Variants in PRKAR2A observed in about 807,000 individuals in gnomAD.
The protein encoded by PRKAR2A is cAMP-dependent protein kinase type II-alpha regulatory subunit.
A neutral mutation model predicts 51.9 loss-of-function variants in PRKAR2A; 29 were observed. The observed-to-expected ratio is 0.56, with a 90% CI of 0.42 to 0.76. PRKAR2A has a LOEUF of 0.76. Ranked by LOEUF, PRKAR2A falls within the 30% of genes least tolerant of loss-of-function variation. The pLI is 0.00. For missense variants in PRKAR2A, 445 were observed against 512.1 expected (o/e 0.87, Z 1.26); for synonymous variants, 178 against 186.2 (o/e 0.96, Z 0.36).
chr3:48,846,469 G>A (rs1248630966), intron 1 of PRKAR2A, among the ~76,000 whole-genome samples: 11 of 151,388 alleles, frequency 7.3e-5, no homozygotes, highest in Non-Finnish European at 1.0e-4. Flanking sequence ...CACCCGCCTC[G>A]GCCTCCCAAA....
chr3:48,780,367 G>A (rs957974660), intron 5 of PRKAR2A, among the ~76,000 whole-genome samples: 5 of 151,996 alleles, frequency 3.3e-5, no homozygotes, highest in African/African-American at 7.2e-5. Flanking sequence ...ACTTTGGGAG[G>A]CTGAGGCGGG....
Position 48,798,663 on chromosome 3 carries a change from ATTTTTTT to A in PRKAR2A, c.299-4621_299-4615del, listed in dbSNP as rs35860456. ...TTTGTGCATGAAATCTTCCTTTTTA[ATTTTTTT>A]TTTTTTTTTTGAGAGTCTCACACTC... On this transcript the variant is annotated intron_variant, in intron 2 of 10. Coordinates refer to ENST00000265563, the MANE Select transcript of PRKAR2A (RefSeq NM_004157.4). Among the ~76,000 whole-genome samples, 3 of 138,780 alleles carry A rather than the reference ATTTTTTT, an allele frequency of 2.2e-5. No individual in the cohort carries two copies. The South Asian group carries it at 6.9e-4, about 32-fold the overall frequency. 91.0% of individuals were successfully genotyped at this position (138,780 alleles called of 152,430 possible).
intron 5 of PRKAR2A, among the ~76,000 whole-genome samples, chr3:48,773,346 T>C (rs1345276363): frequency 1.4e-5 from 2 of 140,030 alleles, no homozygotes; most frequent in African/African-American, 5.3e-5. Flanking sequence ...TTTCTTTTTT[T>C]TTTTTTTTTT....
At chr3:48,820,440 A>C (rs1410731779) in intron 1 of PRKAR2A, among the ~76,000 whole-genome samples, 1 of 152,152 alleles carries the variant, frequency 6.6e-6, no homozygotes, top group Non-Finnish European at 1.5e-5. Context: ...TACTGTCCTA[A>C]AACAGAGAAC....
chr3:48,784,752 A>G (rs2082259948), intron 4 of PRKAR2A, among the ~76,000 whole-genome samples: 1 of 152,216 alleles, frequency 6.6e-6, no homozygotes, highest in Admixed American at 6.6e-5. Context: ...AGGTTCTTGA[A>G]AACTGTGACT....
At chr3:48,826,239 C>T (rs2083061607) in intron 1 of PRKAR2A, among the ~76,000 whole-genome samples, 1 of 152,204 alleles carries the variant, frequency 6.6e-6, no homozygotes, top group Non-Finnish European at 1.5e-5. Context: ...GCATTCCAGC[C>T]TGGGTGACAG....
chr3:48,790,486 A>T, intron 4 of PRKAR2A, 58 bp downstream of exon 4: 1 of 1,287,402 alleles, frequency 7.8e-7, no homozygotes, highest in Non-Finnish European at 1.1e-6. Flanking sequence ...TTTAAGTGAC[A>T]AATAGGAGCA....
chr3:48,782,828 TAG>T (rs1379951166), intron 5 of PRKAR2A, among the ~76,000 whole-genome samples, 156 bp downstream of exon 5: 1 of 152,208 alleles, frequency 6.6e-6, no homozygotes, highest in Non-Finnish European at 1.5e-5. Context: ...ACAGCACTGG[TAG>T]AGAGGGACAA....
At chr3:48,825,588 G>A (rs1174064367) in intron 1 of PRKAR2A, among the ~76,000 whole-genome samples, 2 of 152,098 alleles carry the variant, frequency 1.3e-5, no homozygotes, top group African/African-American at 2.4e-5. Flanking sequence ...AGGTTGCAGT[G>A]AGCCAAGACT....
At chr3:48,811,392 T>C (rs1192536186) in intron 1 of PRKAR2A, among the ~76,000 whole-genome samples, 2 of 152,134 alleles carry the variant, frequency 1.3e-5, no homozygotes, top group Non-Finnish European at 2.9e-5. Context: ...GGAGGATGGC[T>C]TGAGCCTGGG....
At chr3:48,802,957 A>C (rs1265345411) in intron 2 of PRKAR2A, among the ~76,000 whole-genome samples, 1 of 152,236 alleles carries the variant, frequency 6.6e-6, no homozygotes, top group African/African-American at 2.4e-5. Context: ...CCGTAAACTC[A>C]CAGGCAAGTG....
Position 48,847,456 on chromosome 3 carries a change from G to C in PRKAR2A, c.141C>G (p.Ala47=), listed in dbSNP as rs1358185265. Residue 47 remains alanine, a synonymous_variant, in exon 1 of 11, where the codon GCC becomes GCG. Coordinates refer to ENST00000265563, the MANE Select transcript of PRKAR2A (RefSeq NM_004157.4). The surrounding 1 kb of genome is among the most constrained non-coding windows in gnomAD (Gnocchi z 4.4). ...GTGGGGTGGCGGCGGGCAGGACTGAGGCTGGGGCGCGGGCCTCGCGCAGGC... is the reference window on the plus strand; with the variant it reads ...GTGGGGTGGCGGCGGGCAGGACTGACGCTGGGGCGCGGGCCTCGCGCAGGC... ...FTRLREARAP[A]SVLPAATPRQ... 1 of 1,573,726 alleles carries C rather than the reference G, an allele frequency of 6.4e-7. No individual in the cohort carries two copies. The highest frequency in any genetic ancestry group is 8.6e-7 in the Non-Finnish European group (1 of 1,159,662).
At chr3:48,818,834 G>A (rs1203904768) in intron 1 of PRKAR2A, among the ~76,000 whole-genome samples, 1 of 152,076 alleles carries the variant, frequency 6.6e-6, no homozygotes, top group Non-Finnish European at 1.5e-5. Flanking sequence ...ATGACCCGAG[G>A]GCAGACTTAA....
intron 1 of PRKAR2A, among the ~76,000 whole-genome samples, chr3:48,837,860 C>T (rs2083308483): frequency 6.6e-6 from 1 of 150,758 alleles, no homozygotes; most frequent in African/African-American, 2.4e-5. Context: ...ACCTTGAGTA[C>T]ATTATGCTAA....
intron 4 of PRKAR2A, among the ~76,000 whole-genome samples, chr3:48,787,464 G>A (rs1229196251): frequency 1.3e-5 from 2 of 152,106 alleles, no homozygotes; most frequent in Admixed American, 6.6e-5. Context: ...GGGATTACAG[G>A]AATGAGCCAC....
chr3:48,794,909 T>G (rs1337027384), intron 2 of PRKAR2A, among the ~76,000 whole-genome samples: 1 of 152,068 alleles, frequency 6.6e-6, no homozygotes, highest in African/African-American at 2.4e-5. Context: ...AGTAATGAAA[T>G]TATTTTCTAG....
chr3:48,847,421 A>G lies in PRKAR2A; in HGVS notation c.176T>C (p.Leu59Pro), dbSNP rs567753272. The change falls in exon 1 of 11, where the codon CTG becomes CCG. Residue 59 changes from leucine to proline, a missense_variant. Leu to Pro is a moderately conservative substitution (Grantham distance 98, BLOSUM62 -3). Coordinates refer to ENST00000265563, the MANE Select transcript of PRKAR2A (RefSeq NM_004157.4). The surrounding 1 kb of genome is among the most constrained non-coding windows in gnomAD (Gnocchi z 4.4). Reference protein sequence around the residue: ...VLPAATPRQSLGHPPPEPGPD... With the variant: ...VLPAATPRQSPGHPPPEPGPD... ...GCCGGGTTCTGGCGGGGGGTGGCCC[A>G]GGCTCTGGCGTGGGGTGGCGGCGGG... The G allele has an allele frequency of 1.9e-5, 30 of 1,596,032 alleles. No homozygotes were observed. Among genetic ancestry groups the G allele is most frequent in the Middle Eastern group, 1.7e-4 (1 of 6,024 alleles).
chr3:48,800,962 C>T (rs1375382741), intron 2 of PRKAR2A, among the ~76,000 whole-genome samples: 3 of 152,088 alleles, frequency 2.0e-5, no homozygotes, highest in East Asian at 3.9e-4. Context: ...CATGAGCCAC[C>T]GTGCCCAGCC....
At position 48,778,253 on chromosome 3, in the gene PRKAR2A, A is replaced by C. The variant is rs188377665; in HGVS notation, c.542+4733T>G. Among the ~76,000 whole-genome samples, 65 of 152,178 alleles carry C rather than the reference A, an allele frequency of 4.3e-4. 1 individual carries two copies. The highest frequency in any genetic ancestry group is 6.8e-3 in the Middle Eastern group (2 of 294). On this transcript the variant is annotated intron_variant, in intron 5 of 10. Transcript: ENST00000265563. The stretch of plus-strand genomic sequence containing the variant: ...CAAGTAATCCATATCGGCCTCCCAA[A>C]GTGCTGGGATTACAGGTGTGAGCCA...
Sources: gnomAD v4.1 joint callset for allele counts (sites outside exome capture counted in the v4.1 genomes callset) on GRCh38, gnomAD v4.1.1 for gene constraint, Gnocchi (gnomAD v3.1) non-coding constraint, MANE v1.5 for transcripts, NCBI Gene and HGNC (gene_info 2026-07-23, HGNC 2026-07-21) for gene names.